TNFRSF8: variants seen among roughly 807,000 people sequenced by gnomAD.
TNFRSF8 encodes TNF receptor superfamily member 8.
Under a neutral mutation model 70.8 loss-of-function variants are expected in TNFRSF8, and 26 were observed. The observed-to-expected ratio is 0.37, with a 90% CI of 0.27 to 0.51. The LOEUF (loss-of-function observed/expected upper bound fraction) is 0.51, where lower values mean the gene tolerates loss of function less well. Among genes scored for constraint, TNFRSF8 ranks in the 20% least tolerant of loss-of-function variants. The pLI is 0.94. For missense variants in TNFRSF8, 720 were observed against 807.9 expected (o/e 0.89, Z 1.32); for synonymous variants, 356 against 339.2 (o/e 1.05, Z -0.54).
intron 12 of TNFRSF8, 88 bp downstream of exon 12, chr1:12,126,324 C>T (rs573605860): frequency 1.3e-6 from 2 of 1,488,558 alleles, no homozygotes; most frequent in African/African-American, 1.4e-5. Context: ...AGAGACTGAA[C>T]TTCTACCCCA....
At chr1:12,128,523 C>T (rs1034602274) in intron 12 of TNFRSF8, among the ~76,000 whole-genome samples, 2 of 152,220 alleles carry the variant, frequency 1.3e-5, no homozygotes, top group African/African-American at 2.4e-5. Flanking sequence ...CTGTTATCCC[C>T]GTTGCACAGA....
intron 1 of TNFRSF8, among the ~76,000 whole-genome samples, chr1:12,073,278 G>A (rs112741063): frequency 6.7e-6 from 1 of 149,214 alleles, no homozygotes; most frequent in African/African-American, 2.6e-5. Flanking sequence ...CAAACAAACA[G>A]ACAAACAAAA....
intron 12 of TNFRSF8, among the ~76,000 whole-genome samples, chr1:12,133,203 G>C (rs976262611): frequency 6.6e-6 from 1 of 152,174 alleles, no homozygotes; most frequent in Non-Finnish European, 1.5e-5. Flanking sequence ...GTTGCCAGAT[G>C]GCTCTTTAGA....
chr1:12,107,942 C>T (rs113242791), intron 4 of TNFRSF8, among the ~76,000 whole-genome samples: 284 of 152,156 alleles, frequency 1.9e-3, no homozygotes, highest in Admixed American at 4.3e-3. Context: ...AAATTGCCCG[C>T]GGAGACAGAG....
chr1:12,130,444 C>T (rs971255833), intron 12 of TNFRSF8, among the ~76,000 whole-genome samples: 1 of 152,136 alleles, frequency 6.6e-6, no homozygotes, highest in Non-Finnish European at 1.5e-5. Context: ...CTTGTGTGCT[C>T]CTGCCCCGGC....
At chr1:12,111,194 T>G (rs1641623340) in intron 6 of TNFRSF8, among the ~76,000 whole-genome samples, 1 of 151,968 alleles carries the variant, frequency 6.6e-6, no homozygotes, top group African/African-American at 2.4e-5. Context: ...TTGTGGTTTG[T>G]TTTTTTGAGG....
chr1:12,134,223 A>T (rs1425660273), intron 12 of TNFRSF8, among the ~76,000 whole-genome samples: 1 of 152,040 alleles, frequency 6.6e-6, no homozygotes, highest in East Asian at 1.9e-4. Context: ...TGTGTGCAGG[A>T]GGCGGCGTGG....
rs60737148 is a variant in TNFRSF8, at chr1:12,108,078, T to A, written c.422-1488T>A. On this transcript the variant is annotated intron_variant, in intron 4 of 14. Coordinates refer to ENST00000263932, the MANE Select transcript of TNFRSF8 (RefSeq NM_001243.5). The surrounding 1 kb of genome is among the most constrained non-coding windows in gnomAD (Gnocchi z 4.0). ...GTCCCACACATACAGGCCACCATTT[T>A]TTTATTTTTTTTTTTTTTGTGATGG... is the stretch of plus-strand genomic sequence containing the variant. Among the ~76,000 whole-genome samples the A allele has an allele frequency of 0.021, 3,136 of 151,210 alleles. 80 individuals are homozygous for A. The highest frequency in any genetic ancestry group is 0.061 in the African/African-American group (2,517 of 41,224).
At chr1:12,126,260 G>T in intron 12 of TNFRSF8, 24 bp downstream of exon 12, 1 of 1,614,012 alleles carries the variant, frequency 6.2e-7, no homozygotes, top group Non-Finnish European at 8.5e-7. Flanking sequence ...CGTCCAAAGG[G>T]GCTGCCCGAG....
In TNFRSF8 at chr1:12,104,392, G is replaced by A; in HGVS notation, c.282G>A (p.Glu94=). 1 of 1,614,098 alleles carries A rather than the reference G, an allele frequency of 6.2e-7. No homozygotes were observed. Among genetic ancestry groups the A allele is most frequent in the Admixed American group, 1.7e-5 (1 of 59,998 alleles). ...TGTGTCCCTTAGACGACCTCGTGGA[G>A]AAGACGCCGTGTGCATGGAACTCCT... The part of the protein sequence containing the change: ...CVTCSRDDLV[E]KTPCAWNSSR... The change falls in exon 4 of 15, where the codon GAG becomes GAA. Residue 94 remains glutamate, a synonymous_variant. Coordinates refer to ENST00000263932, the MANE Select transcript of TNFRSF8 (RefSeq NM_001243.5).
Position 12,112,559 on chromosome 1 carries a change from A to G in TNFRSF8, c.793+545A>G, listed in dbSNP as rs1384243930. ...TGCACACTACCATGCCTGGCTAATT[A>G]AAAAAAATTTTTTTTCATACAGATG... On this transcript the variant is annotated intron_variant, in intron 7 of 14. Transcript: ENST00000263932. The surrounding 1 kb of genome is among the most constrained non-coding windows in gnomAD (Gnocchi z 5.3). Among the ~76,000 whole-genome samples, 2 of 151,910 alleles carry G rather than the reference A, an allele frequency of 1.3e-5. No homozygotes were observed. The highest frequency in any genetic ancestry group is 2.9e-5 in the Non-Finnish European group (2 of 67,978).
chr1:12,072,652 C>T (rs1640867343), intron 1 of TNFRSF8, among the ~76,000 whole-genome samples: 1 of 152,144 alleles, frequency 6.6e-6, no homozygotes, highest in African/African-American at 2.4e-5. Flanking sequence ...CTCCAGGGGG[C>T]TAAGAACTCC....
rs1305298489 is a variant in TNFRSF8, at chr1:12,097,154, T to G, written c.205T>G (p.Cys69Gly). 1.9e-6 allele frequency: 3 copies of G among 1,614,082 alleles called. No homozygotes were observed. The highest frequency in any genetic ancestry group is 2.7e-5 in the African/African-American group (2 of 75,042). The change falls in exon 3 of 15, where the codon TGT (cysteine) becomes GGT (glycine). Residue 69 changes from cysteine (C) to glycine (G), a missense_variant. By Grantham distance (159) the Cys-to-Gly change is radical. Transcript: ENST00000263932. ...GAGGCCTACTGACTGCAGGAAGCAG[T>G]GTGAGCCTGACTACTACCTGGATGA... ...PQRPTDCRKQ[C>G]EPDYYLDEAD...
Position 12,063,724 on chromosome 1 carries a change from C to G in TNFRSF8, c.63+63C>G. On this transcript the variant is annotated intron_variant, in intron 1 of 14. Coordinates refer to ENST00000263932, the MANE Select transcript of TNFRSF8 (RefSeq NM_001243.5). This position sits in a 1 kb window ranked among gnomAD's most constrained non-coding sequence, Gnocchi z 7.2. ...TCCAGAGCCCGGACAGTGTGGGGTGCGTGGGACGCAAGGGAGGACACTCCT... is the reference window on the plus strand; with the variant it reads ...TCCAGAGCCCGGACAGTGTGGGGTGGGTGGGACGCAAGGGAGGACACTCCT... The G allele has an allele frequency of 8.1e-7, 1 of 1,240,926 alleles. No homozygotes were observed. Among genetic ancestry groups the G allele is most frequent in the Non-Finnish European group, 1.0e-6 (1 of 980,420 alleles). 76.9% of individuals were successfully genotyped at this position (1,240,926 alleles called of 1,614,324 possible).
Position 12,109,445 on chromosome 1 carries a change from A to G in TNFRSF8, c.422-121A>G, listed in dbSNP as rs1011028421. The G allele has an allele frequency of 1.4e-6, 1 of 733,882 alleles. No individual in the cohort carries two copies. Among genetic ancestry groups the G allele is most frequent in the Non-Finnish European group, 2.2e-6 (1 of 447,260 alleles). The allele number at this position is 733,882 out of a possible 1,614,324, so 45.5% of individuals were successfully genotyped here. On this transcript the variant is annotated intron_variant, in intron 4 of 14. Transcript: ENST00000263932. The surrounding 1 kb of genome is among the most constrained non-coding windows in gnomAD (Gnocchi z 4.4). The stretch of plus-strand genomic sequence containing the variant: ...GGTGCCAGGCGGGTGCCACCTCCAG[A>G]TGACTGCTGTGTTTTCCAAGGGCCC...
At position 12,063,656 on chromosome 1, in the gene TNFRSF8, C is replaced by T. The variant is rs1028584203; in HGVS notation, c.58C>T (p.Pro20Ser). The change falls in exon 1 of 15, where the codon CCA becomes TCA. Residue 20 changes from proline (P) to serine (S), a missense_variant. Physicochemically the swap from Pro to Ser is moderately conservative, Grantham distance 74. Coordinates refer to ENST00000263932, the MANE Select transcript of TNFRSF8 (RefSeq NM_001243.5). This position sits in a 1 kb window ranked among gnomAD's most constrained non-coding sequence, Gnocchi z 7.2. ...LLFLGALRAF[P>S]QDRPFEDTCH... Reference sequence around the variant, plus strand: ...GTTCCTGGGGGCGCTACGAGCCTTCCCACAGGTAAGCGGGTGACGGGCGCC... The same window carrying T: ...GTTCCTGGGGGCGCTACGAGCCTTCTCACAGGTAAGCGGGTGACGGGCGCC... The T allele has an allele frequency of 2.5e-5, 32 of 1,277,276 alleles. No homozygotes were observed. The highest frequency in any genetic ancestry group is 1.9e-5 in the Non-Finnish European group (19 of 1,002,642). The allele number at this position is 1,277,276 out of a possible 1,614,324, so 79.1% of individuals were successfully genotyped here.
intron 1 of TNFRSF8, chr1:12,080,161 CTGGTCT>C: frequency 2.3e-6 from 1 of 432,192 alleles, no homozygotes; most frequent in Non-Finnish European, 4.5e-6. Context: ...GTTGGCCAGG[CTGGTCT>C]TGAACTCCTG....
At chr1:12,096,377 A>G (rs1339873875) in intron 2 of TNFRSF8, among the ~76,000 whole-genome samples, 3 of 151,212 alleles carry the variant, frequency 2.0e-5, no homozygotes, top group African/African-American at 7.3e-5. Flanking sequence ...GAAGAAGTGA[A>G]TTTAGTCTAA....
At chr1:12,070,400 G>A (rs1048094388) in intron 1 of TNFRSF8, among the ~76,000 whole-genome samples, 13 of 152,016 alleles carry the variant, frequency 8.6e-5, no homozygotes, top group Non-Finnish European at 1.6e-4. Flanking sequence ...ACAGGCGCCC[G>A]CCACCACGCC....
Sources: allele counts gnomAD v4.1 joint callset (sites outside exome capture counted in the v4.1 genomes callset), GRCh38; gene constraint gnomAD v4.1.1; non-coding constraint Gnocchi (gnomAD v3.1); transcripts MANE v1.5; gene names NCBI Gene and HGNC (gene_info 2026-07-23, HGNC 2026-07-21).